Variants in CEACAM1 observed in about 807,000 individuals in gnomAD.
CEACAM1 encodes the protein cell adhesion molecule CEACAM1.
A neutral mutation model predicts 49.1 loss-of-function variants in CEACAM1; 31 were observed. That is an observed-to-expected ratio of 0.63 (90% CI 0.47 to 0.85). The LOEUF (loss-of-function observed/expected upper bound fraction) is 0.85. Among genes scored for constraint, CEACAM1 ranks in the 40% least tolerant of loss-of-function variants. The pLI, the probability that CEACAM1 is intolerant of heterozygous loss-of-function variation, is 0.00. For missense variants in CEACAM1, 570 were observed against 645.3 expected, an observed-to-expected ratio of 0.88 and a Z score of 1.26; for synonymous variants, 244 against 247.8, an observed-to-expected ratio of 0.98 and a Z score of 0.14.
chr19:42,519,078 C>T lies in CEACAM1; in HGVS notation c.1116G>A (p.Met372Ile). ...KNQSLPSSER[M>I]KLSQGNTTLS... ...GGGTGGTGTTGCCCTGGGACAGCTTCATCCTCTCCGAGGACGGGAGACTCT... is the reference window on the plus strand; with the variant it reads ...GGGTGGTGTTGCCCTGGGACAGCTTTATCCTCTCCGAGGACGGGAGACTCT... The change falls in exon 5 of 9, where the codon ATG becomes ATA. Residue 372 changes from methionine (M) to isoleucine (I), a missense_variant. Physicochemically the swap from Met to Ile is conservative, Grantham distance 10 (BLOSUM62 1). Coordinates refer to ENST00000161559, the MANE Select transcript of CEACAM1 (RefSeq NM_001712.5). 2.5e-6 allele frequency: 4 copies of T among 1,614,118 alleles called. No homozygotes were observed. The highest frequency in any genetic ancestry group is 3.4e-6 in the Non-Finnish European group (4 of 1,180,014).
chr19:42,522,256 C>A (rs1395354973), intron 2 of CEACAM1, 54 bp from the exon 3 acceptor site: 2 of 1,584,122 alleles, frequency 1.3e-6, no homozygotes, highest in Non-Finnish European at 1.7e-6. Context: ...GATTCCTCCA[C>A]AGGCATTTTT....
chr19:42,523,498 A>AT, intron 2 of CEACAM1, among the ~76,000 whole-genome samples: 1 of 152,314 alleles, frequency 6.6e-6, no homozygotes. Flanking sequence ...ATTTAACAGC[A>AT]TATCTACGTT....
chr19:42,526,286 A>G (rs1037282088), intron 2 of CEACAM1, among the ~76,000 whole-genome samples: 6 of 152,116 alleles, frequency 3.9e-5, no homozygotes, highest in African/African-American at 1.4e-4. Context: ...ATTCCCTGAG[A>G]GTGCCTCTCA....
intron 3 of CEACAM1, 84 bp downstream of exon 3, chr19:42,521,840 C>T (rs2041757354): frequency 1.6e-5 from 25 of 1,607,672 alleles, no homozygotes; most frequent in Middle Eastern, 1.6e-4. Flanking sequence ...CGTCCTTAGA[C>T]CTGAGAGGGA....
intron 2 of CEACAM1, among the ~76,000 whole-genome samples, chr19:42,522,429 C>T (rs546093911): frequency 2.4e-4 from 36 of 152,160 alleles, no homozygotes; most frequent in African/African-American, 5.3e-4. Context: ...CACATGCCAC[C>T]ATGCCTGACG....
chr19:42,521,079 T>A (rs889260692), intron 4 of CEACAM1, 188 bp downstream of exon 4: 15 of 674,664 alleles, frequency 2.2e-5, no homozygotes, highest in Non-Finnish European at 3.6e-5. Context: ...TAAGGTCAGC[T>A]GTGAGAAATC....
chr19:42,515,175 A>T (rs1359494244), intron 5 of CEACAM1: 2 of 535,826 alleles, frequency 3.7e-6, no homozygotes, highest in Non-Finnish European at 6.6e-6. Context: ...AGGTGAGGGA[A>T]TTGCTTGAGC....
intron 8 of CEACAM1, among the ~76,000 whole-genome samples, chr19:42,509,680 G>A (rs1363540038): frequency 6.6e-6 from 1 of 152,028 alleles, no homozygotes; most frequent in Admixed American, 6.5e-5. Flanking sequence ...AGGCTGGAGT[G>A]CAATGGCACG....
intron 2 of CEACAM1, among the ~76,000 whole-genome samples, chr19:42,524,106 C>T (rs953729783): frequency 6.6e-5 from 10 of 152,218 alleles, no homozygotes; most frequent in Non-Finnish European, 1.5e-4. Flanking sequence ...TTTCTCTCAA[C>T]CTCAGGAAAC....
chr19:42,526,542 C>T (rs879822330), intron 2 of CEACAM1, among the ~76,000 whole-genome samples: 16 of 152,194 alleles, frequency 1.1e-4, no homozygotes, highest in Admixed American at 7.2e-4. Flanking sequence ...CCACAGCCCT[C>T]GGATAGCTCA....
chr19:42,527,549 C>A (rs1285681810), intron 1 of CEACAM1, 149 bp from the exon 2 acceptor site: 21 of 807,848 alleles, frequency 2.6e-5, no homozygotes, highest in Non-Finnish European at 3.3e-5. Flanking sequence ...GTGTGTGTGT[C>A]CTACTGGGTC....
intron 4 of CEACAM1, 103 bp downstream of exon 4, chr19:42,521,164 T>C (rs2041735424): frequency 1.5e-6 from 2 of 1,303,510 alleles, no homozygotes; most frequent in Non-Finnish European, 2.2e-6. Context: ...TGTTTGTGCC[T>C]GTTGGATACA....
chr19:42,516,859 G>A lies in CEACAM1; in HGVS notation c.1246+2089C>T, dbSNP rs10412463. 7.2e-5 allele frequency: 30 copies of A among 416,924 alleles called. 1 individual carries two copies. The highest frequency in any genetic ancestry group is 1.3e-4 in the Non-Finnish European group (28 of 213,580). The allele number at this position is 416,924 out of a possible 1,614,324, so 25.8% of individuals were successfully genotyped here. A position where few individuals can be genotyped will look rare whatever the true frequency, so the allele number is the denominator to read the frequency against. The stretch of plus-strand genomic sequence containing the variant: ...ACCAGCCTTGGCAACATGGTGAAAC[G>A]CCATCTCTACAAAGAAAAGCAAAAA... On this transcript the variant is annotated intron_variant, in intron 5 of 8. Transcript: ENST00000161559.
intron 4 of CEACAM1, 161 bp downstream of exon 4, chr19:42,521,106 G>A (rs2041733848): frequency 1.3e-6 from 1 of 764,064 alleles, no homozygotes; most frequent in South Asian, 1.8e-5. Context: ...ACAAAGGGAA[G>A]AGAGTCTGCA....
chr19:42,521,621 A>G (rs897793530), intron 3 of CEACAM1, 100 bp from the exon 4 acceptor site: 1 of 1,541,526 alleles, frequency 6.5e-7, no homozygotes, highest in African/African-American at 1.4e-5. Flanking sequence ...CTAAGTCACA[A>G]CCCTGAAGTC....
rs2041677507 is a variant in CEACAM1 at position 42,519,183 on chromosome 19, G to A, written c.1011C>T (p.Val337=). The part of the protein sequence containing the change: ...KPQIKASKTT[V]TGDKDSVNLT... ...GGTTCACAGAGTCCTTATCTCCTGT[G>A]ACTGTGGTCTTGCTGGCTTTGATTT... The change falls in exon 5 of 9, where the codon GTC becomes GTT. Residue 337 remains valine, a synonymous_variant. Coordinates refer to ENST00000161559, the MANE Select transcript of CEACAM1 (RefSeq NM_001712.5). 1 of 1,614,198 alleles carries A rather than the reference G, an allele frequency of 6.2e-7. No individual in the cohort carries two copies. Among genetic ancestry groups the A allele is most frequent in the Non-Finnish European group, 8.5e-7 (1 of 1,180,028 alleles).
chr19:42,515,209 G>A, intron 5 of CEACAM1: 1 of 514,640 alleles, frequency 1.9e-6, no homozygotes, highest in Non-Finnish European at 3.4e-6. Context: ...GCTGCAGTGA[G>A]CTGTGTTTGC....
At chr19:42,521,197 T>G in intron 4 of CEACAM1, 70 bp downstream of exon 4, 1 of 1,565,236 alleles carries the variant, frequency 6.4e-7, no homozygotes, top group Non-Finnish European at 8.7e-7. Flanking sequence ...AAATTTCTTC[T>G]CTGCTCCTAT....
chr19:42,514,867 G>A, intron 5 of CEACAM1: 2 of 494,816 alleles, frequency 4.0e-6, no homozygotes, highest in Non-Finnish European at 7.2e-6. Context: ...AGGACTACCT[G>A]ATTTCAAGGC....
Sources: allele counts gnomAD v4.1 joint callset (sites outside exome capture counted in the v4.1 genomes callset), GRCh38; gene constraint gnomAD v4.1.1; transcripts MANE v1.5; gene names NCBI Gene and HGNC (gene_info 2026-07-23, HGNC 2026-07-21).